GHR: variants seen among roughly 807,000 people sequenced by gnomAD.
GHR encodes GH receptor.
GHR carries 35 observed loss-of-function variants against 67.1 expected under a neutral mutation model. The observed-to-expected ratio is 0.52, with a 90% CI of 0.40 to 0.69. The LOEUF is 0.69. Among genes scored for constraint, GHR ranks in the 30% least tolerant of loss-of-function variants. The pLI is 0.00. For missense variants in GHR, 792 were observed against 764.6 expected, an observed-to-expected ratio of 1.04 and a Z score of -0.42; for synonymous variants, 272 against 269.1, an observed-to-expected ratio of 1.01 and a Z score of -0.10.
chr5:42,535,318 T>C (rs1748207786), intron 1 of GHR, among the ~76,000 whole-genome samples: 1 of 152,160 alleles, frequency 6.6e-6, no homozygotes, highest in South Asian at 2.1e-4. Flanking sequence ...TAATCCATCC[T>C]GAGTAGATTT....
intron 9 of GHR, 77 bp from the exon 10 acceptor site, chr5:42,718,376 T>C: frequency 9.1e-7 from 1 of 1,097,798 alleles, no homozygotes; most frequent in Non-Finnish European, 1.4e-6. Context: ...ATAATTAATC[T>C]CTGAACATTA....
At chr5:42,499,249 T>C (rs1746438938) in intron 1 of GHR, among the ~76,000 whole-genome samples, 1 of 152,182 alleles carries the variant, frequency 6.6e-6, no homozygotes. Flanking sequence ...TTGCATCATC[T>C]TGGCAGAGAA....
At chr5:42,672,166 T>C (rs1020272558) in intron 3 of GHR, among the ~76,000 whole-genome samples, 3 of 151,890 alleles carry the variant, frequency 2.0e-5, no homozygotes, top group Admixed American at 6.6e-5. Flanking sequence ...AAGAAAGAAA[T>C]AAAAGACATC....
intron 1 of GHR, among the ~76,000 whole-genome samples, chr5:42,443,241 T>G (rs938277316): frequency 1.3e-5 from 2 of 152,148 alleles, no homozygotes; most frequent in African/African-American, 4.8e-5. Flanking sequence ...TTTGTTGAAA[T>G]TACATATGAA....
intron 3 of GHR, among the ~76,000 whole-genome samples, chr5:42,655,497 C>A (rs1755210162): frequency 6.6e-6 from 1 of 152,104 alleles, no homozygotes; most frequent in Non-Finnish European, 1.5e-5. Context: ...AAGCCTCTTG[C>A]CTCATTTTAT....
At chr5:42,552,661 G>A (rs1484483335) in intron 1 of GHR, among the ~76,000 whole-genome samples, 2 of 152,126 alleles carry the variant, frequency 1.3e-5, no homozygotes, top group Non-Finnish European at 1.5e-5. Flanking sequence ...GTTCTCTATG[G>A]CACTGTCAAG....
At chr5:42,594,077 A>AT (rs1200520756) in intron 2 of GHR, among the ~76,000 whole-genome samples, 1 of 152,108 alleles carries the variant, frequency 6.6e-6, no homozygotes, top group African/African-American at 2.4e-5. Flanking sequence ...TCTTACCTTA[A>AT]TGGCTCTCCA....
chr5:42,642,554 G>A (rs1022694793), intron 3 of GHR, among the ~76,000 whole-genome samples: 2 of 152,090 alleles, frequency 1.3e-5, no homozygotes, highest in Admixed American at 1.3e-4. Flanking sequence ...CTGAAGTGGT[G>A]GTTCTAGGTA....
intron 1 of GHR, among the ~76,000 whole-genome samples, chr5:42,440,304 C>A (rs1391448371): frequency 1.3e-5 from 2 of 152,010 alleles, no homozygotes; most frequent in Non-Finnish European, 2.9e-5. Flanking sequence ...GAACTTGACT[C>A]AGGTTGGTAT....
intron 1 of GHR, among the ~76,000 whole-genome samples, chr5:42,550,416 C>G (rs1748966031): frequency 6.6e-6 from 1 of 152,160 alleles, no homozygotes; most frequent in African/African-American, 2.4e-5. Context: ...ACTACTAACC[C>G]TAGGCTTCTA....
chr5:42,441,028 G>A (rs1743543031), intron 1 of GHR, among the ~76,000 whole-genome samples: 1 of 152,180 alleles, frequency 6.6e-6, no homozygotes, highest in African/African-American at 2.4e-5. Context: ...CTGGATCAGA[G>A]GAGATACCTC....
chr5:42,588,033 C>T (rs558428077), intron 2 of GHR, among the ~76,000 whole-genome samples: 2 of 152,136 alleles, frequency 1.3e-5, no homozygotes, highest in Non-Finnish European at 2.9e-5. Context: ...GTCAGGGAGA[C>T]TAAGATTTTC....
intron 2 of GHR, among the ~76,000 whole-genome samples, chr5:42,600,280 C>T (rs1485452938): frequency 6.6e-6 from 1 of 152,170 alleles, no homozygotes; most frequent in Non-Finnish European, 1.5e-5. Context: ...GGGGATGCCA[C>T]TAGGATCAAT....
intron 8 of GHR, among the ~76,000 whole-genome samples, chr5:42,715,347 G>C (rs1047985790): frequency 6.6e-6 from 1 of 152,224 alleles, no homozygotes; most frequent in African/African-American, 2.4e-5. Context: ...ATACTGCAAA[G>C]AACGAGATTT....
intron 2 of GHR, among the ~76,000 whole-genome samples, chr5:42,592,998 G>A (rs184449962): frequency 7.2e-5 from 11 of 152,220 alleles, no homozygotes; most frequent in Non-Finnish European, 1.0e-4. Context: ...AATAGTGATC[G>A]TGAGTATTTT....
intron 1 of GHR, chr5:42,565,351 G>A (rs1447632932): frequency 3.7e-6 from 2 of 534,394 alleles, no homozygotes; most frequent in African/African-American, 4.1e-5. Flanking sequence ...AACCTCTTTA[G>A]GATGGCTCAT....
chr5:42,467,307 C>T, intron 1 of GHR: 1 of 1,103,702 alleles, frequency 9.1e-7, no homozygotes, highest in Non-Finnish European at 1.4e-6. Context: ...CATATGGCTT[C>T]TCACCAGTAT....
chr5:42,690,256 A>G (rs1343061207), intron 4 of GHR, among the ~76,000 whole-genome samples: 1 of 152,212 alleles, frequency 6.6e-6, no homozygotes, highest in Non-Finnish European at 1.5e-5. Flanking sequence ...GCTCAGGGCT[A>G]ACAAACCTGC....
At chr5:42,453,481 G>A (rs1744135999) in intron 1 of GHR, among the ~76,000 whole-genome samples, 1 of 152,166 alleles carries the variant, frequency 6.6e-6, no homozygotes. Context: ...TCAATTAGGT[G>A]TGCTGAAATT....
Sources: gnomAD v4.1 joint callset for allele counts (sites outside exome capture counted in the v4.1 genomes callset) on GRCh38, gnomAD v4.1.1 for gene constraint, MANE v1.5 for transcripts, NCBI Gene and HGNC (gene_info 2026-07-23, HGNC 2026-07-21) for gene names.